Variants in MICAL3 observed in about 807,000 individuals in gnomAD.
The protein encoded by MICAL3 is microtubule associated monooxygenase, calponin and LIM domain containing 3.
Under a neutral mutation model 207.4 loss-of-function variants are expected in MICAL3, and 62 were observed. The ratio of observed to expected loss-of-function variants is 0.30; its 90% CI spans 0.24 to 0.37. The LOEUF (loss-of-function observed/expected upper bound fraction) is 0.37. Among genes scored for constraint, MICAL3 ranks in the 10% least tolerant of loss-of-function variants. The probability of loss-of-function intolerance (pLI) is 1.00; values close to 1 mark genes in which losing one functional copy is unlikely to be tolerated. For missense variants in MICAL3, 2,368 were observed against 2,635.6 expected (o/e 0.90, Z 2.22); for synonymous variants, 1,077 against 1,069.3 (o/e 1.01, Z -0.14).
At chr22:17,875,682 TAAAA>T (rs60415785) in intron 16 of MICAL3, 477 of 170,260 alleles carry the variant, frequency 2.8e-3, no homozygotes, top group South Asian at 6.5e-3. Context: ...CCATGTATAG[TAAAA>T]AAAAAAAAAA....
intron 1 of MICAL3, among the ~76,000 whole-genome samples, chr22:18,011,417 C>G (rs752379637): frequency 6.6e-6 from 1 of 152,106 alleles, no homozygotes. Flanking sequence ...TGGTGGCACA[C>G]GCCTGTAATC....
chr22:17,844,957 C>T (rs1414859862), intron 19 of MICAL3, among the ~76,000 whole-genome samples: 1 of 152,198 alleles, frequency 6.6e-6, no homozygotes, highest in African/African-American at 2.4e-5. Flanking sequence ...TACCAGTCTT[C>T]CCATCCCTTC....
At chr22:17,894,247 A>C (rs1055929581) in intron 10 of MICAL3, among the ~76,000 whole-genome samples, 3 of 151,936 alleles carry the variant, frequency 2.0e-5, no homozygotes, top group African/African-American at 7.3e-5. Flanking sequence ...CCTCGTCTCT[A>C]CAAAAAATTT....
intron 29 of MICAL3, 169 bp from the exon 30 acceptor site, chr22:17,791,470 T>A (rs2061824126): frequency 1.6e-6 from 1 of 631,172 alleles, no homozygotes; most frequent in African/African-American, 1.8e-5. Context: ...GGCGTCCCCC[T>A]TCCTGGGGCC....
chr22:17,921,282 G>A (rs755792904), intron 1 of MICAL3, among the ~76,000 whole-genome samples: 2 of 152,122 alleles, frequency 1.3e-5, no homozygotes, highest in Non-Finnish European at 2.9e-5. Flanking sequence ...CCCTCAACAT[G>A]AAAACTGTGT....
intron 1 of MICAL3, among the ~76,000 whole-genome samples, chr22:17,917,333 T>C (rs1020588434): frequency 6.6e-6 from 1 of 152,216 alleles, no homozygotes; most frequent in African/African-American, 2.4e-5. Context: ...GTTCTGCATC[T>C]TGGTAAACAA....
chr22:17,883,790 T>C (rs1027651736), intron 16 of MICAL3, among the ~76,000 whole-genome samples: 1 of 152,218 alleles, frequency 6.6e-6, no homozygotes, highest in East Asian at 1.9e-4. Flanking sequence ...AGGAATACCT[T>C]CATCCAGGAT....
chr22:18,010,286 G>A (rs1185411904), intron 1 of MICAL3, among the ~76,000 whole-genome samples: 4 of 151,430 alleles, frequency 2.6e-5, no homozygotes, highest in Non-Finnish European at 5.9e-5. Context: ...GCTCCCATTT[G>A]AGATCATGTG....
At chr22:17,907,264 G>C (rs964117481) in intron 1 of MICAL3, among the ~76,000 whole-genome samples, 12 of 152,190 alleles carry the variant, frequency 7.9e-5, no homozygotes, top group Admixed American at 6.5e-5. Flanking sequence ...GGTGACAGCT[G>C]AGTCTCTCAG....
At chr22:17,923,294 C>A (rs1254658176) in intron 1 of MICAL3, among the ~76,000 whole-genome samples, 1 of 152,188 alleles carries the variant, frequency 6.6e-6, no homozygotes, top group African/African-American at 2.4e-5. Flanking sequence ...GAACTATAGC[C>A]AAAACTGTGG....
At chr22:17,877,579 A>AG (rs1569110902) in intron 16 of MICAL3, among the ~76,000 whole-genome samples, 1 of 144,706 alleles carries the variant, frequency 6.9e-6, no homozygotes, top group African/African-American at 2.6e-5. Context: ...GAGGTTAGGG[A>AG]AGTTATGGAG....
intron 1 of MICAL3, among the ~76,000 whole-genome samples, chr22:18,010,877 G>C (rs1186548102): frequency 6.6e-6 from 1 of 151,674 alleles, no homozygotes; most frequent in Non-Finnish European, 1.5e-5. Context: ...AGAGAATGGG[G>C]TATGCCTTTC....
chr22:17,877,571 GGTT>G (rs1928964712), intron 16 of MICAL3, among the ~76,000 whole-genome samples: 2 of 140,464 alleles, frequency 1.4e-5, no homozygotes, highest in Non-Finnish European at 3.1e-5. Flanking sequence ...AGGTTAGGGA[GGTT>G]AGGGAAGTTA....
intron 16 of MICAL3, chr22:17,879,295 C>G: frequency 6.6e-7 from 1 of 1,523,764 alleles, no homozygotes; most frequent in Non-Finnish European, 8.9e-7. Flanking sequence ...CACAGCGTGC[C>G]CCGTGTGCTT....
At chr22:17,812,301 C>T (rs1220235627) in intron 27 of MICAL3, among the ~76,000 whole-genome samples, 1 of 152,234 alleles carries the variant, frequency 6.6e-6, no homozygotes, top group Non-Finnish European at 1.5e-5. Flanking sequence ...TGACCACATG[C>T]ACTCCAGCCG....
intron 7 of MICAL3, 102 bp downstream of exon 7, chr22:17,899,346 C>G (rs753648103): frequency 1.7e-5 from 14 of 800,756 alleles, no homozygotes; most frequent in Middle Eastern, 2.2e-4. Flanking sequence ...ATTCAGTGCT[C>G]ATTTTCATTC....
chr22:17,982,779 A>AAAG (rs1569156876), intron 1 of MICAL3, among the ~76,000 whole-genome samples: 3 of 139,004 alleles, frequency 2.2e-5, no homozygotes, highest in African/African-American at 9.9e-5. Context: ...GTAAAATAAA[A>AAAG]TAAAATAAAA....
intron 1 of MICAL3, among the ~76,000 whole-genome samples, chr22:17,924,190 A>G (rs1412468452): frequency 6.6e-6 from 1 of 152,160 alleles, no homozygotes; most frequent in African/African-American, 2.4e-5. Context: ...GTGGGTACAC[A>G]GCCAAACCAT....
intron 19 of MICAL3, among the ~76,000 whole-genome samples, chr22:17,856,371 G>A (rs1187417468): frequency 2.0e-5 from 3 of 152,124 alleles, no homozygotes; most frequent in East Asian, 1.9e-4. Flanking sequence ...GCTGGCTCTC[G>A]GCAACACAGC....
Sources: gnomAD v4.1 joint callset for allele counts (sites outside exome capture counted in the v4.1 genomes callset) on GRCh38, gnomAD v4.1.1 for gene constraint, MANE v1.5 for transcripts, NCBI Gene and HGNC (gene_info 2026-07-23, HGNC 2026-07-21) for gene names.